Variants in IKZF3 observed in about 807,000 individuals in gnomAD.
The protein encoded by IKZF3 is zinc finger protein Aiolos.
In IKZF3, 10 loss-of-function variants were observed where a neutral mutation model predicts 49.0. That is an observed-to-expected ratio of 0.20 (90% CI 0.13 to 0.35). The LOEUF (loss-of-function observed/expected upper bound fraction) is 0.35, where lower values mean the gene tolerates loss of function less well. IKZF3 is among the 10% of genes least tolerant of loss of function. The pLI is 1.00. For missense variants in IKZF3, 498 were observed against 664.8 expected, an observed-to-expected ratio of 0.75 and a Z score of 2.76; for synonymous variants, 209 against 228.2, an observed-to-expected ratio of 0.92 and a Z score of 0.76.
intron 7 of IKZF3, among the ~76,000 whole-genome samples, chr17:39,768,533 G>A (rs923737780): frequency 6.6e-6 from 1 of 152,212 alleles, no homozygotes; most frequent in African/African-American, 2.4e-5. Context: ...ATAAACTCTG[G>A]TGTCAGATGG....
At chr17:39,794,308 TCCCATCAATGGTGTAAATGTTAAAACC>T (rs1352047151) in intron 3 of IKZF3, among the ~76,000 whole-genome samples, 1 of 152,174 alleles carries the variant, frequency 6.6e-6, no homozygotes, top group Non-Finnish European at 1.5e-5. Flanking sequence ...TTACACACCC[TCCCATCAATGGTGTAAATGTTAAAACC>T]CAAAACAGTC....
chr17:39,809,607 T>C (rs556025419), intron 3 of IKZF3, among the ~76,000 whole-genome samples: 20 of 152,380 alleles, frequency 1.3e-4, no homozygotes, highest in African/African-American at 4.8e-4. Context: ...ATTGCTAGAC[T>C]GCTGATTAGA....
chr17:39,815,451 G>C (rs1004950772), intron 3 of IKZF3, among the ~76,000 whole-genome samples: 8 of 152,110 alleles, frequency 5.3e-5, no homozygotes, highest in Admixed American at 3.9e-4. Context: ...CTTCCCTCTA[G>C]CCTTGATACT....
At chr17:39,810,878 C>T (rs2144095338) in intron 3 of IKZF3, among the ~76,000 whole-genome samples, 1 of 152,078 alleles carries the variant, frequency 6.6e-6, no homozygotes, top group East Asian at 1.9e-4. Context: ...CTAATTGATC[C>T]TTTGTTTGGC....
intron 1 of IKZF3, among the ~76,000 whole-genome samples, chr17:39,849,531 C>T (rs536347760): frequency 2.0e-5 from 3 of 152,158 alleles, no homozygotes; most frequent in African/African-American, 7.2e-5. Flanking sequence ...GGGCGGTAGT[C>T]ACCTGTAATC....
intron 1 of IKZF3, among the ~76,000 whole-genome samples, chr17:39,850,847 TATA>T (rs1371182737): frequency 1.5e-5 from 2 of 129,076 alleles, no homozygotes; most frequent in East Asian, 4.3e-4. Flanking sequence ...ATATATAATA[TATA>T]ATATGCTCTA....
intron 1 of IKZF3, among the ~76,000 whole-genome samples, chr17:39,833,306 A>G (rs931509956): frequency 6.6e-6 from 1 of 152,206 alleles, no homozygotes; most frequent in Non-Finnish European, 1.5e-5. Flanking sequence ...TAAGTGTACC[A>G]TTCAATGAGT....
At chr17:39,815,433 A>G (rs1458633120) in intron 3 of IKZF3, among the ~76,000 whole-genome samples, 1 of 152,238 alleles carries the variant, frequency 6.6e-6, no homozygotes, top group Non-Finnish European at 1.5e-5. Context: ...CACTAGCATG[A>G]AACACATCTT....
At chr17:39,843,808 T>TTAA (rs375065298) in intron 1 of IKZF3, among the ~76,000 whole-genome samples, 2 of 132,838 alleles carry the variant, frequency 1.5e-5, no homozygotes, top group Non-Finnish European at 3.3e-5. Context: ...CTCCGTCTTT[T>TTAA]AAAAAAAAAA....
At chr17:39,804,957 G>A (rs568122061) in intron 3 of IKZF3, among the ~76,000 whole-genome samples, 48 of 151,954 alleles carry the variant, frequency 3.2e-4, no homozygotes, top group African/African-American at 2.7e-4. Context: ...TTTTATTTCC[G>A]GTAGACCTGG....
intron 1 of IKZF3, among the ~76,000 whole-genome samples, chr17:39,850,968 C>CAT (rs1568065713): frequency 7.4e-6 from 1 of 134,402 alleles, no homozygotes; most frequent in Non-Finnish European, 1.5e-5. Context: ...ATATTATATA[C>CAT]GTGTATATAT....
In IKZF3 at chr17:39,864,140, C is replaced by G. The variant is rs910869756; in HGVS notation, c.-14G>C. On this transcript the variant is annotated 5_prime_UTR_variant, in exon 1 of 8. Transcript: ENST00000346872. ...CTCACCTTCCATGTCGCTGCCGGGC[C>G]GGGCTGGAGCTGCCGCTGTGGCTAC... 6 of 1,612,092 alleles carry G rather than the reference C, an allele frequency of 3.7e-6. No homozygotes were observed. The highest frequency in any genetic ancestry group is 1.7e-5 in the Admixed American group (1 of 59,956).
intron 2 of IKZF3, among the ~76,000 whole-genome samples, chr17:39,830,390 T>A (rs1394665986): frequency 6.6e-6 from 1 of 152,148 alleles, no homozygotes; most frequent in East Asian, 1.9e-4. Flanking sequence ...CTTTGAGATA[T>A]AGATAAGAGA....
At chr17:39,836,191 T>G (rs778823196) in intron 1 of IKZF3, 3 of 664,364 alleles carry the variant, frequency 4.5e-6, no homozygotes, top group Non-Finnish European at 8.3e-6. Flanking sequence ...CAGGCTCTGG[T>G]TGACCATGAT....
At chr17:39,851,248 T>C (rs1351372788) in intron 1 of IKZF3, among the ~76,000 whole-genome samples, 2 of 151,744 alleles carry the variant, frequency 1.3e-5, no homozygotes, top group Admixed American at 6.6e-5. Flanking sequence ...AGGGTGGTCT[T>C]GAACTCCTGG....
rs2062633295 is a variant in IKZF3 at position 39,846,441 on chromosome 17, ACACTATATAAATTTTCT to A, written c.8-14307_8-14291del. On this transcript the variant is annotated intron_variant, in intron 1 of 7. Transcript: ENST00000346872. ...TTAGATTCTCTTTTCATTGACGATGACACTATATAAATTTTCTCACCGGTTAGTTTTTTTAAGATACC... is the reference window on the plus strand; with the variant it reads ...TTAGATTCTCTTTTCATTGACGATGACACCGGTTAGTTTTTTTAAGATACC... Among the ~76,000 whole-genome samples, 5 of 150,270 alleles carry A rather than the reference ACACTATATAAATTTTCT, an allele frequency of 3.3e-5. No homozygotes were observed. The South Asian group carries it at 1.0e-3, about 31-fold the overall frequency.
At chr17:39,809,699 A>G (rs1467674808) in intron 3 of IKZF3, among the ~76,000 whole-genome samples, 1 of 152,238 alleles carries the variant, frequency 6.6e-6, no homozygotes, top group Non-Finnish European at 1.5e-5. Context: ...ATTTCCATTC[A>G]GCATTTTTCT....
At chr17:39,788,172 T>A in intron 6 of IKZF3, 86 bp downstream of exon 6, 4 of 775,980 alleles carry the variant, frequency 5.2e-6, no homozygotes, top group Non-Finnish European at 8.6e-6. Context: ...CAGTAAAATA[T>A]AAACTCCACG....
intron 3 of IKZF3, among the ~76,000 whole-genome samples, chr17:39,810,976 A>G (rs1354315616): frequency 6.6e-6 from 1 of 152,138 alleles, no homozygotes; most frequent in Non-Finnish European, 1.5e-5. Flanking sequence ...ATGGTGGCTT[A>G]TGCCTGTAAT....
Sources: gnomAD v4.1 joint callset for allele counts (sites outside exome capture counted in the v4.1 genomes callset) on GRCh38, gnomAD v4.1.1 for gene constraint, MANE v1.5 for transcripts, NCBI Gene and HGNC (gene_info 2026-07-23, HGNC 2026-07-21) for gene names.